SPAG16: variants seen among roughly 807,000 people sequenced by gnomAD.
SPAG16 encodes the protein sperm associated antigen 16.
Under a neutral mutation model 80.4 loss-of-function variants are expected in SPAG16, and 86 were observed. The ratio of observed to expected loss-of-function variants is 1.07; its 90% CI spans 0.90 to 1.28. The LOEUF (loss-of-function observed/expected upper bound fraction) is 1.28. Ranked by LOEUF, SPAG16 falls within the 50% of genes most tolerant of loss-of-function variation. The pLI is 0.00. For missense variants in SPAG16, 870 were observed against 765.3 expected, an observed-to-expected ratio of 1.14 and a Z score of -1.61; for synonymous variants, 294 against 265.9, an observed-to-expected ratio of 1.11 and a Z score of -1.03.
At chr2:214,007,967 CCCT>C (rs1361374046) in intron 12 of SPAG16, among the ~76,000 whole-genome samples, 2 of 151,424 alleles carry the variant, frequency 1.3e-5, no homozygotes. Context: ...TCATCTCCCT[CCCT>C]CCTTCTCTTC....
Position 214,127,265 on chromosome 2 carries a change from G to A in SPAG16, c.1593+19004G>A, listed in dbSNP as rs76844958. Among the ~76,000 whole-genome samples the A allele has an allele frequency of 7.3e-3, 1,110 of 151,888 alleles. 18 individuals are homozygous for A. The highest frequency in any genetic ancestry group is 0.024 in the African/African-American group (1,001 of 41,524). On this transcript the variant is annotated intron_variant, in intron 14 of 15. Coordinates refer to ENST00000331683, the MANE Select transcript of SPAG16 (RefSeq NM_024532.5). ...ATTAAGTGTCTGCCTCATTAAAATT[G>A]TCATCCCTGGTTTACTATTTCAAGT...
chr2:213,991,643 A>T (rs1261181474), intron 12 of SPAG16, among the ~76,000 whole-genome samples: 1 of 152,138 alleles, frequency 6.6e-6, no homozygotes, highest in African/African-American at 2.4e-5. Flanking sequence ...TGAGGCAATC[A>T]TGAGTCATGT....
intron 1 of SPAG16, chr2:213,285,996 G>T: frequency 9.6e-7 from 1 of 1,036,766 alleles, no homozygotes; most frequent in Non-Finnish European, 1.3e-6. Context: ...ACATGAGATT[G>T]ACACAATGAG....
chr2:213,646,538 AG>A (rs2062831167), intron 10 of SPAG16, among the ~76,000 whole-genome samples: 1 of 152,222 alleles, frequency 6.6e-6, no homozygotes, highest in Admixed American at 6.5e-5. Flanking sequence ...AATAGTGATT[AG>A]AGAATTACAT....
At chr2:213,470,050 CTTCCACCCCTTGA>C (rs1178403760) in intron 9 of SPAG16, among the ~76,000 whole-genome samples, 8 of 152,166 alleles carry the variant, frequency 5.3e-5, no homozygotes, top group Non-Finnish European at 1.0e-4. Context: ...GCCACTTCCA[CTTCCACCCCTTGA>C]TTCCTGGACC....
chr2:214,121,141 A>G (rs928942962), intron 14 of SPAG16, among the ~76,000 whole-genome samples: 8 of 151,850 alleles, frequency 5.3e-5, no homozygotes, highest in African/African-American at 1.7e-4. Flanking sequence ...GATATTTCCA[A>G]TTTCATTTTA....
At chr2:213,769,050 C>A (rs779643004) in intron 10 of SPAG16, among the ~76,000 whole-genome samples, 1 of 151,976 alleles carries the variant, frequency 6.6e-6, no homozygotes, top group Non-Finnish European at 1.5e-5. Flanking sequence ...AGGGTGAGGT[C>A]AGGTAGGAAA....
chr2:214,164,667 G>A (rs1003122505), intron 15 of SPAG16, among the ~76,000 whole-genome samples: 1 of 152,022 alleles, frequency 6.6e-6, no homozygotes, highest in Non-Finnish European at 1.5e-5. Flanking sequence ...TGGGGTATAG[G>A]TAAATTAAAA....
intron 10 of SPAG16, among the ~76,000 whole-genome samples, chr2:213,686,934 C>T (rs1195917865): frequency 4.0e-5 from 6 of 151,304 alleles, no homozygotes; most frequent in Non-Finnish European, 7.4e-5. Flanking sequence ...CTGCCCACCT[C>T]GGCCTCCCAA....
At chr2:213,418,721 T>G (rs1185057259) in intron 9 of SPAG16, among the ~76,000 whole-genome samples, 1 of 152,218 alleles carries the variant, frequency 6.6e-6, no homozygotes, top group Non-Finnish European at 1.5e-5. Flanking sequence ...AAAAGGCTTC[T>G]GGTTATTGAT....
intron 15 of SPAG16, among the ~76,000 whole-genome samples, chr2:214,336,465 A>G (rs1458382569): frequency 6.6e-6 from 1 of 152,216 alleles, no homozygotes; most frequent in Non-Finnish European, 1.5e-5. Flanking sequence ...GCCCTAGTGT[A>G]TACCTTTTTG....
At chr2:213,594,719 G>A (rs2060827665) in intron 10 of SPAG16, among the ~76,000 whole-genome samples, 1 of 152,174 alleles carries the variant, frequency 6.6e-6, no homozygotes, top group Non-Finnish European at 1.5e-5. Context: ...CTTGGCTGAT[G>A]TATAACCAGG....
chr2:213,292,880 A>T (rs530483240), intron 1 of SPAG16, among the ~76,000 whole-genome samples: 25 of 152,246 alleles, frequency 1.6e-4, no homozygotes, highest in African/African-American at 6.0e-4. Context: ...CATTTACTAT[A>T]AGCCAGGCAC....
intron 15 of SPAG16, among the ~76,000 whole-genome samples, chr2:214,246,445 A>T (rs917425115): frequency 1.3e-5 from 2 of 152,152 alleles, no homozygotes; most frequent in Admixed American, 6.6e-5. Flanking sequence ...CAGAATTAAC[A>T]TTGAGTGACT....
chr2:213,743,613 TGTCA>T (rs1305721033), intron 10 of SPAG16, among the ~76,000 whole-genome samples: 2 of 152,244 alleles, frequency 1.3e-5, no homozygotes, highest in Non-Finnish European at 2.9e-5. Context: ...AGCAGTCTGC[TGTCA>T]GTCAAACTGT....
At chr2:214,126,032 TTCCTTCCTTCCTTCCTTCCTTCCTTCC>T (rs1394422076) in intron 14 of SPAG16, among the ~76,000 whole-genome samples, 1,045 of 39,358 alleles carry the variant, frequency 0.027, 132 homozygotes, top group South Asian at 0.035. Context: ...CCTTCCTTCC[TTCCTTCCTTCCTTCCTTCCTTCCTTCC>T]TTTTTTTTTT....
At chr2:213,950,939 C>G (rs1045639752) in intron 12 of SPAG16, among the ~76,000 whole-genome samples, 24 of 151,590 alleles carry the variant, frequency 1.6e-4, no homozygotes, top group Admixed American at 1.4e-3. Flanking sequence ...CCTTGAATTC[C>G]TGTGCTTAAG....
intron 10 of SPAG16, among the ~76,000 whole-genome samples, chr2:213,650,166 C>T (rs2062970841): frequency 6.6e-6 from 1 of 152,052 alleles, no homozygotes; most frequent in Non-Finnish European, 1.5e-5. Context: ...CTTTTGTAGC[C>T]TACCCTAATT....
At chr2:213,909,631 A>T (rs933017874) in intron 11 of SPAG16, among the ~76,000 whole-genome samples, 51 of 152,266 alleles carry the variant, frequency 3.3e-4, no homozygotes, top group Admixed American at 1.3e-3. Flanking sequence ...TGGGGAAAGG[A>T]TTCCCTATTT....
Sources: gnomAD v4.1 joint callset for allele counts (sites outside exome capture counted in the v4.1 genomes callset) on GRCh38, gnomAD v4.1.1 for gene constraint, MANE v1.5 for transcripts, NCBI Gene and HGNC (gene_info 2026-07-23, HGNC 2026-07-21) for gene names.